Variants in USP30 observed in about 807,000 individuals in gnomAD.
The protein encoded by USP30 is ubiquitin specific peptidase 30, also known as ubiquitin carboxyl-terminal hydrolase 30.
In USP30, 41 loss-of-function variants were observed where a neutral mutation model predicts 68.2. That is an observed-to-expected ratio of 0.60 (90% CI 0.47 to 0.78). The LOEUF (loss-of-function observed/expected upper bound fraction) is 0.78, where lower values mean the gene tolerates loss of function less well. Ranked by LOEUF, USP30 falls within the 30% of genes least tolerant of loss-of-function variation. USP30 has a pLI of 0.00. For synonymous variants in USP30, 229 were observed against 253.7 expected (o/e 0.90, Z 0.93); for missense variants, 522 against 649.4 (o/e 0.80, Z 2.13).
intron 11 of USP30, among the ~76,000 whole-genome samples, chr12:109,084,152 C>T (rs1014304231): frequency 2.0e-5 from 3 of 152,126 alleles, no homozygotes; most frequent in African/African-American, 4.8e-5. Flanking sequence ...TGCCTGAACC[C>T]AGATGTTTGA....
intron 3 of USP30, among the ~76,000 whole-genome samples, chr12:109,029,620 G>C (rs1461532703): frequency 6.6e-6 from 1 of 152,194 alleles, no homozygotes; most frequent in Non-Finnish European, 1.5e-5. Flanking sequence ...CTCCCTCCGT[G>C]CCTGAGCTAT....
chr12:109,043,253 G>T, intron 3 of USP30, among the ~76,000 whole-genome samples: 1 of 152,102 alleles, frequency 6.6e-6, no homozygotes, highest in East Asian at 1.9e-4. Context: ...TTCTAAATTC[G>T]TGTGGACTCT....
chr12:109,046,241 A>G (rs1432978193), intron 3 of USP30, among the ~76,000 whole-genome samples: 1 of 151,586 alleles, frequency 6.6e-6, no homozygotes, highest in African/African-American at 2.4e-5. Context: ...ACCTGGGACT[A>G]CAGGCACATG....
intron 1 of USP30, among the ~76,000 whole-genome samples, chr12:109,055,920 G>A (rs1330658334): frequency 6.6e-6 from 1 of 152,122 alleles, no homozygotes; most frequent in African/African-American, 2.4e-5. Context: ...ACATGTCAAG[G>A]GGACAAGGAC....
intron 3 of USP30, among the ~76,000 whole-genome samples, chr12:109,063,785 T>C (rs756366798): frequency 2.7e-4 from 41 of 152,350 alleles, no homozygotes; most frequent in Middle Eastern, 3.4e-3. Context: ...ATAAGTTATA[T>C]TGAGCATCTT....
chr12:109,087,930 T>G lies in USP30; in HGVS notation c.*1999T>G, dbSNP rs1059262. 0.18 allele frequency: 39,346 copies of G among 224,320 alleles called. 3,721 individuals carry two copies. Among genetic ancestry groups the G allele is most frequent in the African/African-American group, 0.22 (9,700 of 44,096 alleles). 13.9% of individuals were successfully genotyped at this position (224,320 alleles called of 1,614,324 possible). On this transcript the variant is annotated 3_prime_UTR_variant, in exon 13 of 13. Coordinates refer to ENST00000257548, the MANE Select transcript of USP30 (RefSeq NM_032663.5). ...AAAACCTAAGTTAAACTAGTAGTTT[T>G]GCCATAATAACTGCTGATTTATGTA...
intron 3 of USP30, among the ~76,000 whole-genome samples, chr12:109,034,332 A>C (rs943053762): frequency 2.0e-5 from 3 of 152,248 alleles, no homozygotes; most frequent in Non-Finnish European, 2.9e-5. Context: ...GTTAGAGAAC[A>C]TATTTTATAT....
At position 109,056,706 on chromosome 12, in the gene USP30, A is replaced by G. The variant is rs1593243689; in HGVS notation, c.108A>G (p.Gly36=). Residue 36 remains glycine (G), a synonymous_variant, in exon 2 of 13, where the codon GGA becomes GGG. Coordinates refer to ENST00000257548, the MANE Select transcript of USP30 (RefSeq NM_032663.5). ...GATATAAAGTCATGAAGAACTGGGG[A>G]GTTATAGGTGGAATTGCTGCTGCTC... is the stretch of plus-strand genomic sequence containing the variant. ...AVRYKVMKNW[G]VIGGIAAALA... 1 of 1,610,690 alleles carries G rather than the reference A, an allele frequency of 6.2e-7. No homozygotes were observed. Among genetic ancestry groups the G allele is most frequent in the South Asian group, 1.1e-5 (1 of 90,162 alleles).
At chr12:109,066,360 T>A (rs543744060) in intron 3 of USP30, among the ~76,000 whole-genome samples, 1 of 151,970 alleles carries the variant, frequency 6.6e-6, no homozygotes, top group South Asian at 2.1e-4. Flanking sequence ...CCATCAAACT[T>A]TTATTAGGCC....
At chr12:109,030,446 A>G (rs1407965443) in intron 3 of USP30, among the ~76,000 whole-genome samples, 1 of 152,230 alleles carries the variant, frequency 6.6e-6, no homozygotes, top group Admixed American at 6.5e-5. Context: ...AAGGGGATAT[A>G]GGGAGATGTT....
rs567413910 is a variant in USP30 at position 109,063,369 on chromosome 12, G to A, written c.377-4155G>A. Among the ~76,000 whole-genome samples the A allele has an allele frequency of 1.5e-4, 23 of 152,316 alleles. No individual in the cohort carries two copies. The East Asian group carries it at 4.4e-3, about 29-fold the overall frequency. ...GCCCACCTCAGCCTCCCAAAGTTCTGGGATTACAGGCGTGAGCCACCACGC... is the reference window on the plus strand; with the variant it reads ...GCCCACCTCAGCCTCCCAAAGTTCTAGGATTACAGGCGTGAGCCACCACGC... On this transcript the variant is annotated intron_variant, in intron 3 of 12. Transcript: ENST00000257548.
intron 6 of USP30, among the ~76,000 whole-genome samples, chr12:109,073,229 G>A (rs1030329548): frequency 2.6e-5 from 4 of 152,118 alleles, no homozygotes; most frequent in Non-Finnish European, 5.9e-5. Context: ...TACAGAAACC[G>A]TATATAAAGA....
At chr12:109,027,608 C>T (rs1275495229) in intron 3 of USP30, 1 of 152,166 alleles carries the variant, frequency 6.6e-6, no homozygotes. Flanking sequence ...ATGAATTTGC[C>T]TACTCTAGTT....
chr12:109,050,676 T>C (rs2135686154), upstream of USP30, among the ~76,000 whole-genome samples: 1 of 152,112 alleles, frequency 6.6e-6, no homozygotes, highest in Middle Eastern at 3.4e-3. Context: ...ACATGAAAAG[T>C]GGGTACTCCA....
chr12:109,057,489 TTAAGA>T (rs1401832504), intron 2 of USP30, among the ~76,000 whole-genome samples: 3 of 152,198 alleles, frequency 2.0e-5, no homozygotes, highest in African/African-American at 7.2e-5. Flanking sequence ...CCAGTGATTG[TTAAGA>T]TAAGAACAGA....
At chr12:109,037,099 C>T (rs1353103093) in intron 3 of USP30, among the ~76,000 whole-genome samples, 1 of 152,090 alleles carries the variant, frequency 6.6e-6, no homozygotes, top group Admixed American at 6.6e-5. Flanking sequence ...GTCTCTGAGC[C>T]TATGTTCATT....
intron 11 of USP30, among the ~76,000 whole-genome samples, chr12:109,083,507 C>G (rs1393176024): frequency 6.6e-6 from 1 of 152,078 alleles, no homozygotes; most frequent in African/African-American, 2.4e-5. Flanking sequence ...GTATCTGATT[C>G]CATTACTGCC....
In USP30 at chr12:109,086,931, G is replaced by A. The variant is rs1593306821; in HGVS notation, c.*1000G>A. ...TCTGAACCTCAGTTTCCTCATTTGT[G>A]AAGTGAAGGGTTAGATTTGATGACC... On this transcript the variant is annotated 3_prime_UTR_variant, in exon 13 of 13. Coordinates refer to ENST00000257548, the MANE Select transcript of USP30 (RefSeq NM_032663.5). 1.3e-5 allele frequency: 2 copies of A among 152,272 alleles called. No individual in the cohort carries two copies. The highest frequency in any genetic ancestry group is 6.5e-5 in the Admixed American group (1 of 15,294). The allele number at this position is 152,272 out of a possible 1,614,324, so 9.4% of individuals were successfully genotyped here.
At position 109,041,096 on chromosome 12, in the gene USP30, T is replaced by C. The variant is rs112834282; in HGVS notation, c.-135-6494T>C. On this transcript the variant is annotated intron_variant, in intron 3 of 15. Transcript: ENST00000392784. ...CTCATCAGTCAACTGAGCTGGCCTCTGATAGTCTCTTCAGTTTAGGACCTT... is the reference window on the plus strand; with the variant it reads ...CTCATCAGTCAACTGAGCTGGCCTCCGATAGTCTCTTCAGTTTAGGACCTT... 2.1e-3 allele frequency among the ~76,000 whole-genome samples: 322 copies of C among 152,350 alleles called. 1 individual carries two copies. The highest frequency in any genetic ancestry group is 7.0e-3 in the African/African-American group (292 of 41,572).
Sources: allele counts gnomAD v4.1 joint callset (sites outside exome capture counted in the v4.1 genomes callset), GRCh38; gene constraint gnomAD v4.1.1; transcripts MANE v1.5; gene names NCBI Gene and HGNC (gene_info 2026-07-23, HGNC 2026-07-21).